The following EPN3 variants were observed in gnomAD, a reference collection of about 807,000 sequenced individuals.
EPN3 encodes epsin-3.
EPN3 carries 56 observed loss-of-function variants against 55.5 expected under a neutral mutation model. That is an observed-to-expected ratio of 1.01 (90% confidence interval 0.81 to 1.26). EPN3 has a LOEUF of 1.26. EPN3 is among the 50% of genes most tolerant of loss of function. The pLI is 0.00. For synonymous variants in EPN3, 449 were observed against 375.2 expected (o/e 1.20, Z -2.27); for missense variants, 927 against 853.4 (o/e 1.09, Z -1.07).
At position 50,542,194 on chromosome 17, in the gene EPN3, G is replaced by A. The variant is rs181935506; in HGVS notation, c.*37G>A. On this transcript the variant is annotated 3_prime_UTR_variant, in exon 10 of 10. Coordinates refer to ENST00000268933, the MANE Select transcript of EPN3 (RefSeq NM_017957.3). ...TCCCATACCGGCCTGCGCCTGCGCC[G>A]GACGCTCCGCGGCCCCGCCTCCGGA... 801 of 1,434,094 alleles carry A rather than the reference G, an allele frequency of 5.6e-4. No individual in the cohort carries two copies. Among genetic ancestry groups the A allele is most frequent in the Admixed American group, 8.2e-4 (27 of 32,922 alleles). 88.8% of individuals were successfully genotyped at this position (1,434,094 alleles called of 1,614,324 possible).
Position 50,541,977 on chromosome 17 carries a change from G to A in EPN3, c.1719G>A (p.Met573Ile). The A allele has an allele frequency of 1.9e-6, 3 of 1,597,556 alleles. No individual in the cohort carries two copies. Among genetic ancestry groups the A allele is most frequent in the Non-Finnish European group, 2.5e-6 (3 of 1,178,322 alleles). The change falls in exon 10 of 10, where the codon ATG becomes ATA. Residue 573 changes from methionine to isoleucine, a missense_variant. Met to Ile is a conservative substitution (Grantham distance 10). Transcript: ENST00000268933. ...CTGTGGGGGCGCCCCTGGGCTCCATGACCTACAGCGCCTCTCTGCCCCTCC... is the reference window on the plus strand; with the variant it reads ...CTGTGGGGGCGCCCCTGGGCTCCATAACCTACAGCGCCTCTCTGCCCCTCC... ...GGPVGAPLGS[M>I]TYSASLPLPL...
At chr17:50,540,452 A>C (rs1597863461) in intron 6 of EPN3, 118 bp downstream of exon 6, 1 of 969,714 alleles carries the variant, frequency 1.0e-6, no homozygotes, top group Non-Finnish European at 1.5e-6. Context: ...CAAGTCACTC[A>C]CCACCTTGAG....
At position 50,539,286 on chromosome 17, in the gene EPN3, A is replaced by G. The variant is rs1300999783; in HGVS notation, c.862A>G (p.Lys288Glu). ...CAGAGAGCCTGAGAGAGAAGAGAGA[A>G]AGGAGGAGGAGAAGCTAAAAACCAG... ...RDREPEREERKEEEKLKTSQS... is the reference protein window; with the variant it reads ...RDREPEREEREEEEKLKTSQS... Residue 288 changes from lysine to glutamate, a missense_variant, in exon 5 of 10, where the codon AAG (lysine) becomes GAG (glutamate). Coordinates refer to ENST00000268933, the MANE Select transcript of EPN3 (RefSeq NM_017957.3). 1.2e-6 allele frequency: 2 copies of G among 1,614,036 alleles called. No individual in the cohort carries two copies. Among genetic ancestry groups the G allele is most frequent in the African/African-American group, 2.7e-5 (2 of 74,918 alleles).
Position 50,538,183 on chromosome 17 carries a change from G to A in EPN3, c.667G>A (p.Glu223Lys). The change falls in exon 3 of 10, where the codon GAG (glutamate) becomes AAG (lysine). Residue 223 changes from glutamate to lysine, a missense_variant. By Grantham distance (56) the Glu-to-Lys change is moderately conservative. Coordinates refer to ENST00000268933, the MANE Select transcript of EPN3 (RefSeq NM_017957.3). Reference protein sequence around the residue: ...QLQLALAMSREEAEKPVPPAS... With the variant: ...QLQLALAMSRKEAEKPVPPAS... The stretch of plus-strand genomic sequence containing the variant: ...GCAGCTGGCCCTCGCCATGAGCCGT[G>A]AGGAGGCAGAGAAGGTGAGGCCATG... 1 of 1,610,288 alleles carries A rather than the reference G, an allele frequency of 6.2e-7. No homozygotes were observed. The highest frequency in any genetic ancestry group is 8.5e-7 in the Non-Finnish European group (1 of 1,179,564).
chr17:50,532,840 A>G lies in EPN3; in HGVS notation c.-282A>G. The G allele has an allele frequency of 7.9e-7, 1 of 1,260,090 alleles. No homozygotes were observed. Among genetic ancestry groups the G allele is most frequent in the African/African-American group, 1.5e-5 (1 of 64,910 alleles). The allele number at this position is 1,260,090 out of a possible 1,614,324, so 78.1% of individuals were successfully genotyped here. On this transcript the variant is annotated 5_prime_UTR_variant, in exon 1 of 10. Coordinates refer to ENST00000268933, the MANE Select transcript of EPN3 (RefSeq NM_017957.3). ...CTCTGAGGGGTCTGCACCTCCTGGG[A>G]GCAGGTGGGTCTCTGGGACGAGGGT...
chr17:50,533,440 G>C (rs1032585608), intron 1 of EPN3, among the ~76,000 whole-genome samples: 11 of 152,168 alleles, frequency 7.2e-5, no homozygotes, highest in African/African-American at 2.7e-4. Context: ...CCACTGCTCA[G>C]GCTGGATCTG....
At chr17:50,533,045 G>C (rs1298337227) in intron 1 of EPN3, 60 bp downstream of exon 1, 3 of 1,103,798 alleles carry the variant, frequency 2.7e-6, no homozygotes, top group Non-Finnish European at 3.6e-6. Flanking sequence ...GGGGTTGGTG[G>C]GGAGCAAACA....
Position 50,541,601 on chromosome 17 carries a change from T to G in EPN3, c.1492T>G (p.Ser498Ala), listed in dbSNP as rs369862029. The change falls in exon 9 of 10, where the codon TCC becomes GCC. Residue 498 changes from serine (S) to alanine (A), a missense_variant. Physicochemically the swap from Ser to Ala is moderately conservative, Grantham distance 99. Transcript: ENST00000268933. ...KEARACRTPE[S>A]FLGPSASSLV... ...GGCCCGAGCTTGCCGGACTCCCGAGTCCTTCCTGGGTCCCTCAGCTTCCTC... is the reference window on the plus strand; with the variant it reads ...GGCCCGAGCTTGCCGGACTCCCGAGGCCTTCCTGGGTCCCTCAGCTTCCTC... 6.2e-7 allele frequency: 1 copy of G among 1,613,992 alleles called. No homozygotes were observed. The highest frequency in any genetic ancestry group is 1.7e-4 in the Middle Eastern group (1 of 6,058).
rs2034864665 is a variant in EPN3, at chr17:50,542,544, C to G, written c.*387C>G. Reference sequence around the variant, plus strand: ...CCCCGTCACCCAGGCACCTTCGCTTCCAGATGCTGCCAGGCTGTCACTCAA... The same window carrying G: ...CCCCGTCACCCAGGCACCTTCGCTTGCAGATGCTGCCAGGCTGTCACTCAA... On this transcript the variant is annotated 3_prime_UTR_variant, in exon 10 of 10. Transcript: ENST00000268933. 4.6e-6 allele frequency: 1 copy of G among 217,134 alleles called. No individual in the cohort carries two copies. The highest frequency in any genetic ancestry group is 2.3e-5 in the African/African-American group (1 of 42,916). 13.5% of individuals were successfully genotyped at this position (217,134 alleles called of 1,614,324 possible).
chr17:50,539,258 G>C lies in EPN3; in HGVS notation c.834G>C (p.Arg278=). 1 of 1,614,194 alleles carries C rather than the reference G, an allele frequency of 6.2e-7. No individual in the cohort carries two copies. The highest frequency in any genetic ancestry group is 8.5e-7 in the Non-Finnish European group (1 of 1,180,034). Residue 278 remains arginine (R), a synonymous_variant, in exon 5 of 10, where the codon CGG becomes CGC. Coordinates refer to ENST00000268933, the MANE Select transcript of EPN3 (RefSeq NM_017957.3). ...NGAGAVVHHQ[R]DREPEREERK... ...CAGGGGCCGTGGTCCACCATCAGCG[G>C]GACAGAGAGCCTGAGAGAGAAGAGA...
chr17:50,540,664 G>A (rs1333171638), intron 6 of EPN3, 129 bp from the exon 7 acceptor site: 3 of 1,245,778 alleles, frequency 2.4e-6, no homozygotes, highest in South Asian at 1.5e-5. Context: ...CCTGCTGGGT[G>A]GTCCTGAGGC....
At chr17:50,538,548 G>A in intron 3 of EPN3, 1 of 429,330 alleles carries the variant, frequency 2.3e-6, no homozygotes, top group Non-Finnish European at 4.1e-6. Flanking sequence ...ATCCTTTTGG[G>A]GAGACAAGGA....
In EPN3 at chr17:50,540,237, C is replaced by T; in HGVS notation, c.892-10C>T. 1 of 1,611,160 alleles carries T rather than the reference C, an allele frequency of 6.2e-7. No individual in the cohort carries two copies. The highest frequency in any genetic ancestry group is 8.5e-7 in the Non-Finnish European group (1 of 1,179,626). On this transcript the variant is annotated splice_polypyrimidine_tract_variant and intron_variant, in intron 5 of 9. Transcript: ENST00000268933. Reference sequence around the variant, plus strand: ...CACTTCTGAGCCGCGGCTGCCTCTCCCCTCCACAGTCCTCCATCCTGGACT... The same window carrying T: ...CACTTCTGAGCCGCGGCTGCCTCTCTCCTCCACAGTCCTCCATCCTGGACT...
At position 50,536,380 on chromosome 17, in the gene EPN3, G is replaced by A. The variant is rs1401303799; in HGVS notation, c.-136-41G>A. 6 of 1,435,718 alleles carry A rather than the reference G, an allele frequency of 4.2e-6. No homozygotes were observed. In the Admixed American group the frequency reaches 1.1e-4, roughly 27 times the overall value. 88.9% of individuals were successfully genotyped at this position (1,435,718 alleles called of 1,614,324 possible). A position where few individuals can be genotyped will look rare whatever the true frequency, so the allele number is the denominator to read the frequency against. ...GGTCAGTGGCTGAGTGACCCATGAG[G>A]TAGGCCTCTGCCCCTGAGTTCCTGG... On this transcript the variant is annotated intron_variant, in intron 1 of 9. Coordinates refer to ENST00000268933, the MANE Select transcript of EPN3 (RefSeq NM_017957.3).
At chr17:50,537,261 G>A (rs998451383) in intron 2 of EPN3, 143 bp downstream of exon 2, 27 of 811,258 alleles carry the variant, frequency 3.3e-5, no homozygotes, top group Middle Eastern at 3.6e-4. Context: ...CACGCAAGGC[G>A]CAACACCCGG....
At chr17:50,537,251 C>T (rs1487175073) in intron 2 of EPN3, 133 bp downstream of exon 2, 2 of 963,628 alleles carry the variant, frequency 2.1e-6, no homozygotes, top group Admixed American at 5.7e-5. Flanking sequence ...AGGAATGTAA[C>T]ACGCAAGGCG....
intron 4 of EPN3, 81 bp from the exon 5 acceptor site, chr17:50,539,106 C>G: frequency 6.3e-7 from 1 of 1,586,874 alleles, no homozygotes; most frequent in South Asian, 1.2e-5. Flanking sequence ...TGCACTCTCT[C>G]GACTCCAGCC....
rs749254084 is a variant in EPN3 at position 50,536,661 on chromosome 17, C to T, written c.105C>T (p.Pro35=). 14 of 1,614,018 alleles carry T rather than the reference C, an allele frequency of 8.7e-6. No individual in the cohort carries two copies. Among genetic ancestry groups the T allele is most frequent in the African/African-American group, 1.3e-5 (1 of 74,906 alleles). The change falls in exon 2 of 10, where the codon CCC becomes CCT. Residue 35 remains proline, a synonymous_variant. Transcript: ENST00000268933. ...REATSNDPWG[P]PSSLMSEIAD... is the part of the protein sequence containing the mutation. ...CCACCAGCAATGACCCCTGGGGCCC[C>T]CCTAGTTCGCTCATGTCCGAGATCG...
chr17:50,539,279 A>C lies in EPN3; in HGVS notation c.855A>C (p.Glu285Asp). The C allele has an allele frequency of 6.2e-7, 1 of 1,614,186 alleles. No individual in the cohort carries two copies. Among genetic ancestry groups the C allele is most frequent in the Non-Finnish European group, 8.5e-7 (1 of 1,180,030 alleles). ...HHQRDREPER[E>D]ERKEEEKLKT... ...AGCGGGACAGAGAGCCTGAGAGAGA[A>C]GAGAGAAAGGAGGAGGAGAAGCTAA... The change falls in exon 5 of 10, where the codon GAA becomes GAC. Residue 285 changes from glutamate to aspartate, a missense_variant. Glu to Asp is a conservative substitution (Grantham distance 45). Coordinates refer to ENST00000268933, the MANE Select transcript of EPN3 (RefSeq NM_017957.3).
Sources: gnomAD v4.1 joint callset for allele counts (sites outside exome capture counted in the v4.1 genomes callset) on GRCh38, gnomAD v4.1.1 for gene constraint, MANE v1.5 for transcripts, NCBI Gene and HGNC (gene_info 2026-07-23, HGNC 2026-07-21) for gene names.